SOHLH2: variants seen among roughly 807,000 people sequenced by gnomAD.
The protein encoded by SOHLH2 is spermatogenesis- and oogenesis-specific basic helix-loop-helix-containing protein 2.
Under a neutral mutation model 50.4 loss-of-function variants are expected in SOHLH2, and 22 were observed. The observed-to-expected ratio is 0.44, with a 90% CI of 0.31 to 0.62. The LOEUF is 0.62. SOHLH2 is among the 20% of genes least tolerant of loss of function. The pLI is 0.08. For missense variants in SOHLH2, 412 were observed against 504.4 expected (o/e 0.82, Z 1.76); for synonymous variants, 185 against 187.3 (o/e 0.99, Z 0.10).
chr13:36,169,368 A>G (rs1310655840), intron 10 of SOHLH2, among the ~76,000 whole-genome samples: 1 of 152,222 alleles, frequency 6.6e-6, no homozygotes, highest in African/African-American at 2.4e-5. Flanking sequence ...CAACATTACG[A>G]TATCTGTAGA....
chr13:36,180,755 CTT>C (rs1297200679), intron 6 of SOHLH2, among the ~76,000 whole-genome samples: 1 of 151,230 alleles, frequency 6.6e-6, no homozygotes, highest in African/African-American at 2.4e-5. Context: ...TAATTCAACT[CTT>C]TTGAATGTTT....
At chr13:36,192,909 C>T (rs1887616652) in intron 4 of SOHLH2, among the ~76,000 whole-genome samples, 1 of 152,060 alleles carries the variant, frequency 6.6e-6, no homozygotes, top group Admixed American at 6.6e-5. Context: ...ACCTTGTACC[C>T]CTTGACCAAC....
chr13:36,170,495 G>A, intron 10 of SOHLH2, 36 bp downstream of exon 10: 1 of 1,593,854 alleles, frequency 6.3e-7, no homozygotes, highest in Non-Finnish European at 8.6e-7. Flanking sequence ...TGGAGTGAAA[G>A]GGTCCAATCT....
chr13:36,188,477 T>C (rs1161580062), intron 6 of SOHLH2, among the ~76,000 whole-genome samples: 1 of 152,198 alleles, frequency 6.6e-6, no homozygotes, highest in East Asian at 1.9e-4. Flanking sequence ...TTCATCTGTG[T>C]TCCTGTCTTT....
At chr13:36,171,725 T>A (rs1886965662) in intron 9 of SOHLH2, among the ~76,000 whole-genome samples, 1 of 152,062 alleles carries the variant, frequency 6.6e-6, no homozygotes, top group South Asian at 2.1e-4. Context: ...ATGTAAAAAA[T>A]CACTCTCTCC....
chr13:36,204,567 G>A (rs1209927262), intron 1 of SOHLH2, among the ~76,000 whole-genome samples: 2 of 152,110 alleles, frequency 1.3e-5, no homozygotes, highest in Admixed American at 1.3e-4. Flanking sequence ...GTTTTCAAGA[G>A]CGAAGTTTTC....
At chr13:36,210,780 C>G (rs1252921749) in intron 1 of SOHLH2, among the ~76,000 whole-genome samples, 1 of 152,132 alleles carries the variant, frequency 6.6e-6, no homozygotes, top group Non-Finnish European at 1.5e-5. Context: ...CCTTCTACTT[C>G]CCTCAATACT....
Position 36,193,641 on chromosome 13 carries a change from G to A in SOHLH2, c.410C>T (p.Thr137Ile). The A allele has an allele frequency of 6.2e-7, 1 of 1,609,370 alleles. No homozygotes were observed. Among genetic ancestry groups the A allele is most frequent in the East Asian group, 2.2e-5 (1 of 44,636 alleles). Residue 137 changes from threonine (T) to isoleucine (I), a missense_variant, in exon 4 of 11, where the codon ACA (threonine) becomes ATA (isoleucine). Thr to Ile is a moderately conservative substitution (Grantham distance 89). Coordinates refer to ENST00000379881, the MANE Select transcript of SOHLH2 (RefSeq NM_017826.3). ...CTCACCAGTGTTTGAGGGACATGTT[G>A]TCCAGTATTTTACCACATTACTCAT... ...EKMSNVVKYWTTCPSNTVKTE... is the reference protein window; with the variant it reads ...EKMSNVVKYWITCPSNTVKTE...
rs11620349 is a variant in SOHLH2, at chr13:36,193,453, C to T, written c.430+168G>A. Among the ~76,000 whole-genome samples, 684 of 152,362 alleles carry T rather than the reference C, an allele frequency of 4.5e-3. 5 individuals carry two copies. The highest frequency in any genetic ancestry group is 0.033 in the South Asian group (157 of 4,826). ...TGCCTACCGCAGCACTGTATTTGCC[C>T]TTGGGCAACACATTCTAAACCTCTG... is the stretch of plus-strand genomic sequence containing the variant. On this transcript the variant is annotated intron_variant, in intron 4 of 10. Coordinates refer to ENST00000379881, the MANE Select transcript of SOHLH2 (RefSeq NM_017826.3).
chr13:36,188,704 C>A (rs1176935339), intron 6 of SOHLH2, among the ~76,000 whole-genome samples: 2 of 152,206 alleles, frequency 1.3e-5, no homozygotes, highest in African/African-American at 4.8e-5. Context: ...TTCTTCTTAT[C>A]TCCTTAGTAA....
At chr13:36,202,354 A>AG (rs1282897586) in intron 1 of SOHLH2, among the ~76,000 whole-genome samples, 1 of 152,162 alleles carries the variant, frequency 6.6e-6, no homozygotes, top group African/African-American at 2.4e-5. Context: ...ATTCTACTTC[A>AG]GTTTTTCTGC....
intron 6 of SOHLH2, among the ~76,000 whole-genome samples, chr13:36,186,441 G>A (rs1034146228): frequency 1.3e-5 from 2 of 152,156 alleles, no homozygotes; most frequent in African/African-American, 2.4e-5. Flanking sequence ...AGGACTCACA[G>A]GGAAAGGTAT....
intron 2 of SOHLH2, among the ~76,000 whole-genome samples, chr13:36,196,690 C>T (rs1887742839): frequency 2.6e-5 from 4 of 152,082 alleles, no homozygotes; most frequent in South Asian, 2.1e-4. Flanking sequence ...TTTGAAAACC[C>T]GACTTTTCAA....
intron 4 of SOHLH2, among the ~76,000 whole-genome samples, chr13:36,192,582 A>C (rs1474177035): frequency 6.6e-6 from 1 of 152,222 alleles, no homozygotes; most frequent in Non-Finnish European, 1.5e-5. Context: ...AGGAGAATCC[A>C]GAAAATGTCT....
intron 2 of SOHLH2, among the ~76,000 whole-genome samples, chr13:36,199,136 G>A (rs1403776992): frequency 6.6e-6 from 1 of 152,162 alleles, no homozygotes. Context: ...AAATGGGGCA[G>A]TACATGTACA....
chr13:36,191,567 A>G (rs543965775), intron 5 of SOHLH2, among the ~76,000 whole-genome samples: 6 of 152,332 alleles, frequency 3.9e-5, no homozygotes, highest in African/African-American at 1.2e-4. Context: ...ATATTCCCCA[A>G]TGATGGGGAA....
At chr13:36,178,059 T>C (rs1887140091) in intron 6 of SOHLH2, among the ~76,000 whole-genome samples, 1 of 151,556 alleles carries the variant, frequency 6.6e-6, no homozygotes, top group Non-Finnish European at 1.5e-5. Flanking sequence ...TAGACGTGAG[T>C]CTATTTAAAT....
chr13:36,179,169 C>T (rs1203421568), intron 6 of SOHLH2, among the ~76,000 whole-genome samples: 2 of 152,136 alleles, frequency 1.3e-5, no homozygotes, highest in Non-Finnish European at 2.9e-5. Flanking sequence ...AGAATGGGCA[C>T]CCTTAGTTTG....
intron 5 of SOHLH2, among the ~76,000 whole-genome samples, chr13:36,191,436 G>A (rs1887569439): frequency 6.6e-6 from 1 of 152,170 alleles, no homozygotes; most frequent in African/African-American, 2.4e-5. Flanking sequence ...GCTCTTGTCT[G>A]TTTAAATATT....
Sources: gnomAD v4.1 joint callset for allele counts (sites outside exome capture counted in the v4.1 genomes callset) on GRCh38, gnomAD v4.1.1 for gene constraint, MANE v1.5 for transcripts, NCBI Gene and HGNC (gene_info 2026-07-23, HGNC 2026-07-21) for gene names.